The following RPSA2 variants were observed in gnomAD, a reference collection of about 807,000 sequenced individuals.
The protein encoded by RPSA2 is ribosomal protein SA 2.
the RPSA2 span, chr19:23,832,901 G>T: frequency 1.0e-5 from 16 of 1,557,238 alleles, no homozygotes; most frequent in Non-Finnish European, 1.3e-5. Flanking sequence ...TGTGAGGAAC[G>T]TGGCAAATCT....
At chr19:23,856,715 G>A in the RPSA2 span, among the ~76,000 whole-genome samples, 1 of 152,076 alleles carries the variant, frequency 6.6e-6, no homozygotes, top group South Asian at 2.1e-4. Context: ...ACAAAGGTAG[G>A]AATTTTACAG....
At chr19:23,862,800 G>A in the RPSA2 span, among the ~76,000 whole-genome samples, 43 of 150,322 alleles carry the variant, frequency 2.9e-4, 1 homozygote, top group South Asian at 8.8e-3. Context: ...TTAACAGTTT[G>A]AGTTCTAATA....
chr19:23,864,699 T>C, the RPSA2 span, among the ~76,000 whole-genome samples: 23 of 152,204 alleles, frequency 1.5e-4, no homozygotes, highest in Non-Finnish European at 2.9e-4. Context: ...TGGTAAAATA[T>C]ATTTATAACT....
At chr19:23,766,758 GT>G in the RPSA2 span, among the ~76,000 whole-genome samples, 3 of 134,040 alleles carry the variant, frequency 2.2e-5, no homozygotes, top group African/African-American at 5.6e-5. Flanking sequence ...CGGGCCAAAT[GT>G]TTTTTTTTTT....
the RPSA2 span, among the ~76,000 whole-genome samples, chr19:23,759,522 G>GTTTTTTTTTTTTTTTTTTTTTTT: frequency 1.1e-5 from 1 of 89,034 alleles, no homozygotes; most frequent in Non-Finnish European, 2.0e-5. Flanking sequence ...TATATATCAG[G>GTTTTTTTTTTTTTTTTTTTTTTT]TTTTTTTTTT....
chr19:23,795,798 T>TA, the RPSA2 span, among the ~76,000 whole-genome samples: 1 of 152,192 alleles, frequency 6.6e-6, no homozygotes, highest in Admixed American at 6.5e-5. Context: ...ATTTTTGAGA[T>TA]AGAGTCTCCC....
chr19:23,798,109 G>A, the RPSA2 span, among the ~76,000 whole-genome samples: 1 of 151,386 alleles, frequency 6.6e-6, no homozygotes, highest in African/African-American at 2.4e-5. Context: ...GAGATTAATT[G>A]CTTTGTTTCT....
chr19:23,824,580 C>CTTTTTTTTTTTTTTTTTTTTTTTTTTTTT, the RPSA2 span, among the ~76,000 whole-genome samples: 1 of 63,822 alleles, frequency 1.6e-5, no homozygotes, highest in African/African-American at 6.1e-5. Flanking sequence ...TATAGCATTT[C>CTTTTTTTTTTTTTTTTTTTTTTTTTTTTT]TTTTTTTTTT....
the RPSA2 span, among the ~76,000 whole-genome samples, chr19:23,829,564 G>C: frequency 6.6e-6 from 1 of 152,174 alleles, no homozygotes; most frequent in Non-Finnish European, 1.5e-5. Flanking sequence ...GCCTCCCAAA[G>C]TGCTGGAATT....
the RPSA2 span, among the ~76,000 whole-genome samples, chr19:23,823,162 G>T: frequency 6.6e-6 from 1 of 152,154 alleles, no homozygotes. Context: ...GCCTCTGGGG[G>T]TCAACTTAAT....
chr19:23,851,500 T>C, the RPSA2 span, among the ~76,000 whole-genome samples: 1 of 152,224 alleles, frequency 6.6e-6, no homozygotes, highest in Non-Finnish European at 1.5e-5. Context: ...GAACCACCTG[T>C]TGTAACCTTG....
chr19:23,834,375 C>T, the RPSA2 span, among the ~76,000 whole-genome samples: 2 of 151,786 alleles, frequency 1.3e-5, no homozygotes, highest in African/African-American at 4.8e-5. Flanking sequence ...TGTTGCTGGA[C>T]AAAATATATG....
At chr19:23,815,726 TTTA>T in the RPSA2 span, among the ~76,000 whole-genome samples, 1 of 152,160 alleles carries the variant, frequency 6.6e-6, no homozygotes, top group Admixed American at 6.5e-5. Context: ...GAATTTTCTA[TTTA>T]TTATTAAAAA....
At chr19:23,862,905 T>G in the RPSA2 span, among the ~76,000 whole-genome samples, 2 of 151,876 alleles carry the variant, frequency 1.3e-5, no homozygotes, top group African/African-American at 4.8e-5. Context: ...TCTTTTTTTT[T>G]TTTTTGTTTG....
the RPSA2 span, among the ~76,000 whole-genome samples, chr19:23,761,019 A>G: frequency 4.7e-3 from 331 of 69,698 alleles, 1 homozygote; most frequent in East Asian, 0.02. Flanking sequence ...ATGTGTGTAT[A>G]TATATATACA....
At chr19:23,801,164 A>C in the RPSA2 span, among the ~76,000 whole-genome samples, 15 of 152,324 alleles carry the variant, frequency 9.8e-5, 1 homozygote, top group African/African-American at 3.1e-4. Context: ...TGCAGCTCCA[A>C]ATTCTAAATC....
the RPSA2 span, among the ~76,000 whole-genome samples, chr19:23,870,197 C>G: frequency 3.9e-5 from 6 of 152,192 alleles, no homozygotes; most frequent in Admixed American, 3.9e-4. Context: ...CTAATCACTT[C>G]TGCTGTAATG....
At chr19:23,782,724 G>A in the RPSA2 span, among the ~76,000 whole-genome samples, 7 of 152,140 alleles carry the variant, frequency 4.6e-5, no homozygotes, top group Non-Finnish European at 7.4e-5. Context: ...GATATGCCAC[G>A]TGACATAGCT....
chr19:23,834,159 C>T, the RPSA2 span, among the ~76,000 whole-genome samples: 1 of 151,720 alleles, frequency 6.6e-6, no homozygotes, highest in African/African-American at 2.4e-5. Flanking sequence ...AAAAATAATA[C>T]AAAACTATAG....
Sources: gnomAD v4.1 joint callset for allele counts (sites outside exome capture counted in the v4.1 genomes callset) on GRCh38, gnomAD v4.1.1 for gene constraint, MANE v1.5 for transcripts, NCBI Gene and HGNC (gene_info 2026-07-23, HGNC 2026-07-21) for gene names.